Variants in GALNT13 observed in about 807,000 individuals in gnomAD.
GALNT13 encodes polypeptide N-acetylgalactosaminyltransferase 13, also known as UDP-GalNAc:polypeptide N-acetylgalactosaminyltransferase 13.
Under a neutral mutation model 64.2 loss-of-function variants are expected in GALNT13, and 28 were observed. The ratio of observed to expected loss-of-function variants is 0.44; its 90% CI spans 0.32 to 0.60. The LOEUF (loss-of-function observed/expected upper bound fraction) is 0.60, where lower values mean the gene tolerates loss of function less well. Ranked by LOEUF, GALNT13 falls within the 20% of genes least tolerant of loss-of-function variation. GALNT13 has a pLI of 0.05. For missense variants in GALNT13, 577 were observed against 669.8 expected (o/e 0.86, Z 1.53); for synonymous variants, 214 against 224.6 (o/e 0.95, Z 0.42).
At chr2:153,818,355 A>G in the GALNT13 span, among the ~76,000 whole-genome samples, 1 of 152,190 alleles carries the variant, frequency 6.6e-6, no homozygotes, top group African/African-American at 2.4e-5. Flanking sequence ...GGCCATAGCC[A>G]CACTGCTGAA....
chr2:153,885,746 A>G (rs139008589), intron 1 of GALNT13, among the ~76,000 whole-genome samples: 1,577 of 152,192 alleles, frequency 0.01, 18 homozygotes, highest in Middle Eastern at 0.017. Context: ...GCCATCTTAG[A>G]TCAGCAGCTG....
chr2:153,766,132 A>G, the GALNT13 span, among the ~76,000 whole-genome samples: 1 of 151,760 alleles, frequency 6.6e-6, no homozygotes, highest in African/African-American at 2.4e-5. Flanking sequence ...TGGATAAAAT[A>G]TTCATGGTTG....
At chr2:153,215,694 G>T in the GALNT13 span, among the ~76,000 whole-genome samples, 2 of 151,398 alleles carry the variant, frequency 1.3e-5, no homozygotes, top group African/African-American at 2.4e-5. Flanking sequence ...TTAATTTTCT[G>T]TTGGTGTGAA....
the GALNT13 span, among the ~76,000 whole-genome samples, chr2:153,313,836 G>A: frequency 2.0e-5 from 3 of 152,180 alleles, no homozygotes; most frequent in Admixed American, 2.0e-4. Flanking sequence ...TTTAGTACTT[G>A]AAAGATATAA....
At chr2:154,368,607 G>C (rs1344453147) in intron 9 of GALNT13, among the ~76,000 whole-genome samples, 4 of 152,140 alleles carry the variant, frequency 2.6e-5, no homozygotes, top group Non-Finnish European at 5.9e-5. Context: ...TCAGGGTCAG[G>C]TTTGTCATCT....
the GALNT13 span, among the ~76,000 whole-genome samples, chr2:153,282,643 T>C: frequency 3.9e-5 from 6 of 152,158 alleles, no homozygotes; most frequent in African/African-American, 1.2e-4. Context: ...CTCAAACTCC[T>C]GGGCTCAAGC....
intron 1 of GALNT13, among the ~76,000 whole-genome samples, chr2:153,873,679 G>C (rs1257273021): frequency 2.0e-5 from 3 of 152,144 alleles, no homozygotes; most frequent in Non-Finnish European, 2.9e-5. Context: ...AGCCTTCCCT[G>C]AAACAACATA....
intron 2 of GALNT13, among the ~76,000 whole-genome samples, chr2:153,937,279 A>G (rs1691005428): frequency 6.6e-6 from 1 of 152,250 alleles, no homozygotes; most frequent in African/African-American, 2.4e-5. Context: ...GTATAGCTAT[A>G]CAATGGAATA....
chr2:153,896,695 A>G (rs1231570796), intron 1 of GALNT13, among the ~76,000 whole-genome samples: 1 of 152,032 alleles, frequency 6.6e-6, no homozygotes, highest in Non-Finnish European at 1.5e-5. Context: ...GGTAATAAGC[A>G]TAGTACCCGA....
downstream of GALNT13, among the ~76,000 whole-genome samples, chr2:154,456,108 A>C (rs707089): frequency 1.3e-5 from 2 of 151,322 alleles, no homozygotes; most frequent in Non-Finnish European, 2.9e-5. Flanking sequence ...AAAATAGCAC[A>C]AGGGGGAAAA....
the GALNT13 span, among the ~76,000 whole-genome samples, chr2:153,844,403 A>T: frequency 6.6e-6 from 1 of 152,186 alleles, no homozygotes; most frequent in African/African-American, 2.4e-5. Flanking sequence ...AGCAGCCAGA[A>T]TGTGGAGAGC....
At chr2:154,019,696 T>G (rs116717975) in intron 3 of GALNT13, among the ~76,000 whole-genome samples, 11,228 of 151,124 alleles carry the variant, frequency 0.074, 522 homozygotes, top group Middle Eastern at 0.13. Context: ...TTTTTGTTTT[T>G]TTTGTTTTTT....
At chr2:154,409,906 G>T (rs944648093) in intron 11 of GALNT13, among the ~76,000 whole-genome samples, 1 of 151,882 alleles carries the variant, frequency 6.6e-6, no homozygotes, top group Non-Finnish European at 1.5e-5. Context: ...AAAAATACTT[G>T]TTGATTCTTG....
chr2:153,074,021 A>T, the GALNT13 span, among the ~76,000 whole-genome samples: 1 of 152,188 alleles, frequency 6.6e-6, no homozygotes, highest in African/African-American at 2.4e-5. Context: ...TAGAGGCTTG[A>T]TCAGATTCAA....
the GALNT13 span, among the ~76,000 whole-genome samples, chr2:153,525,924 C>T: frequency 6.6e-6 from 1 of 152,332 alleles, no homozygotes; most frequent in East Asian, 1.9e-4. Context: ...CAGTACTGCA[C>T]ATGGACCTGT....
chr2:154,415,623 C>T (rs903632941), intron 11 of GALNT13, among the ~76,000 whole-genome samples: 4 of 152,078 alleles, frequency 2.6e-5, no homozygotes, highest in African/African-American at 9.7e-5. Flanking sequence ...ATCTCCTCCT[C>T]GTCTAACATC....
the GALNT13 span, among the ~76,000 whole-genome samples, chr2:153,349,833 A>C: frequency 2.0e-5 from 3 of 152,172 alleles, no homozygotes; most frequent in African/African-American, 7.2e-5. Context: ...TCCCTTCAGC[A>C]CTAGAGGGAG....
the GALNT13 span, among the ~76,000 whole-genome samples, chr2:153,671,773 C>G: frequency 6.6e-6 from 1 of 152,198 alleles, no homozygotes; most frequent in East Asian, 1.9e-4. Flanking sequence ...GATAAAGAGT[C>G]AAGACCCGTT....
Position 153,944,642 on chromosome 2 carries a change from A to T in GALNT13, c.142+3A>T, listed in dbSNP as rs1364564496. On this transcript the variant is annotated splice_donor_region_variant and intron_variant, in intron 3 of 12. Transcript: ENST00000392825. The stretch of plus-strand genomic sequence containing the variant: ...ATCTCTGCTGCCTGCATTGAGGGGT[A>T]AGTGCTTATGAAGCAAATACTGTCT... 5.0e-6 allele frequency: 8 copies of T among 1,611,800 alleles called. No homozygotes were observed. The highest frequency in any genetic ancestry group is 8.5e-7 in the Non-Finnish European group (1 of 1,178,682).
Sources: allele counts gnomAD v4.1 joint callset (sites outside exome capture counted in the v4.1 genomes callset), GRCh38; gene constraint gnomAD v4.1.1; transcripts MANE v1.5; gene names NCBI Gene and HGNC (gene_info 2026-07-23, HGNC 2026-07-21).